Variants in LRRC9 observed in about 807,000 individuals in gnomAD.
LRRC9 encodes leucine rich repeat containing 9, also known as leucine-rich repeat-containing protein 9.
In LRRC9, 122 loss-of-function variants were observed where a neutral mutation model predicts 63.2. The observed-to-expected ratio is 1.93, with a 90% CI of 1.67 to 2.24. The LOEUF (loss-of-function observed/expected upper bound fraction) is 2.24, where lower values mean the gene tolerates loss of function less well. Ranked by LOEUF, LRRC9 falls within the 30% of genes most tolerant of loss-of-function variation. The pLI is 0.00. For missense variants in LRRC9, 1,071 were observed against 627.7 expected (o/e 1.71, Z -7.55); for synonymous variants, 366 against 213.1 (o/e 1.72, Z -6.25).
At chr14:60,062,612 T>C (rs1169121493) in intron 31 of LRRC9, among the ~76,000 whole-genome samples, 1 of 152,234 alleles carries the variant, frequency 6.6e-6, no homozygotes, top group Non-Finnish European at 1.5e-5. Flanking sequence ...TCTTCCGAAT[T>C]TTCTTTAAAA....
At chr14:59,985,122 A>C in exon 17 of LRRC9, 1 of 683,202 alleles carries the variant, frequency 1.5e-6, no homozygotes, top group East Asian at 2.7e-5. Context: ...ATCTACATGG[A>C]AACAGCTTGA....
intron 17 of LRRC9, among the ~76,000 whole-genome samples, chr14:59,987,284 A>AT (rs1887572869): frequency 6.6e-6 from 1 of 151,066 alleles, no homozygotes; most frequent in Non-Finnish European, 1.5e-5. Flanking sequence ...TGGTTTTGCC[A>AT]TTTTTAAAAA....
chr14:59,980,429 T>G (rs998283744), intron 15 of LRRC9, among the ~76,000 whole-genome samples: 1 of 152,206 alleles, frequency 6.6e-6, no homozygotes, highest in Admixed American at 6.5e-5. Context: ...GCAAATCCCC[T>G]TCCTCTGTCC....
chr14:60,038,476 C>G (rs147842529), intron 29 of LRRC9, among the ~76,000 whole-genome samples: 1,959 of 152,166 alleles, frequency 0.013, 37 homozygotes, highest in African/African-American at 0.045. Context: ...TGAAGAGGGC[C>G]TTCACATCCC....
Position 59,983,641 on chromosome 14 carries a change from A to G in LRRC9, c.2092-1464A>G, listed in dbSNP as rs1183662929. The stretch of plus-strand genomic sequence containing the variant: ...CCAGATGTCTTCAGGGAACACTGAA[A>G]AATTTAGTATGCCTAGAATATAGTG... On this transcript the variant is annotated intron_variant, in intron 16 of 31. Transcript: ENST00000445360. Among the ~76,000 whole-genome samples the G allele has an allele frequency of 2.6e-5, 4 of 152,194 alleles. No homozygotes were observed. In the South Asian group the frequency reaches 6.2e-4, roughly 24 times the overall value.
chr14:60,063,294 T>G (rs1302458893), intron 31 of LRRC9, 29 bp from the exon 33 acceptor site: 8 of 697,708 alleles, frequency 1.1e-5, no homozygotes, highest in Non-Finnish European at 1.8e-5. Flanking sequence ...GTCACCACTA[T>G]TTGACTAATT....
chr14:60,002,008 C>G, exon 20 of LRRC9: 1 of 701,114 alleles, frequency 1.4e-6, no homozygotes, highest in East Asian at 2.7e-5. Context: ...GGAGAGACCA[C>G]GGATACTTAG....
intron 19 of LRRC9, among the ~76,000 whole-genome samples, chr14:59,999,859 A>G (rs1889177508): frequency 1.3e-5 from 2 of 152,000 alleles, no homozygotes; most frequent in African/African-American, 4.8e-5. Flanking sequence ...TAATAATAAC[A>G]CTCCTAAAGA....
chr14:59,983,467 G>A (rs1374717210), intron 16 of LRRC9, among the ~76,000 whole-genome samples: 1 of 152,192 alleles, frequency 6.6e-6, no homozygotes, highest in Non-Finnish European at 1.5e-5. Context: ...ATATATATGT[G>A]AACACATGTA....
At chr14:59,988,934 C>A (rs568871255) in intron 17 of LRRC9, among the ~76,000 whole-genome samples, 1 of 152,224 alleles carries the variant, frequency 6.6e-6, no homozygotes, top group South Asian at 2.1e-4. Flanking sequence ...CTTTGGCTCA[C>A]AATTTATTTT....
chr14:59,975,086 A>ATATATATATACATATATATAT, intron 13 of LRRC9, among the ~76,000 whole-genome samples: 1 of 54,828 alleles, frequency 1.8e-5, no homozygotes, highest in African/African-American at 4.4e-5. Context: ...GTGTGTGTGT[A>ATATATATATACATATATATAT]GTGTATATAT....
intron 8 of LRRC9, among the ~76,000 whole-genome samples, chr14:59,946,504 CTT>C (rs562279605): frequency 1.5e-5 from 2 of 137,508 alleles, no homozygotes; most frequent in African/African-American, 2.7e-5. Flanking sequence ...TTTTTTTTGT[CTT>C]TTTTTTTTTT....
intron 8 of LRRC9, among the ~76,000 whole-genome samples, 161 bp from the exon 9 acceptor site, chr14:59,959,657 T>C (rs1173499208): frequency 6.6e-6 from 1 of 152,240 alleles, no homozygotes; most frequent in African/African-American, 2.4e-5. Flanking sequence ...GTTTGGCATG[T>C]TTTTATGACA....
chr14:60,009,912 C>T (rs1413383891), intron 23 of LRRC9, among the ~76,000 whole-genome samples: 3 of 152,220 alleles, frequency 2.0e-5, no homozygotes, highest in Non-Finnish European at 4.4e-5. Context: ...GACTCCATGT[C>T]TCACATCCAG....
chr14:60,012,643 A>G (rs1019379135), intron 23 of LRRC9, among the ~76,000 whole-genome samples: 18 of 152,286 alleles, frequency 1.2e-4, no homozygotes, highest in Non-Finnish European at 2.2e-4. Context: ...GTGACCTGCC[A>G]CCTATTTTAG....
At chr14:60,057,764 A>G (rs1894392073) in intron 30 of LRRC9, 114 bp from the exon 31 acceptor site, 2 of 445,538 alleles carry the variant, frequency 4.5e-6, no homozygotes, top group Admixed American at 3.4e-5. Flanking sequence ...GCAAGCAGGT[A>G]GCTCCTGACT....
chr14:60,030,607 C>G (rs1891915037), intron 28 of LRRC9, among the ~76,000 whole-genome samples: 1 of 152,038 alleles, frequency 6.6e-6, no homozygotes, highest in Admixed American at 6.6e-5. Context: ...ATTATTATAA[C>G]TGCTTTAGGT....
At chr14:59,921,048 A>G (rs1203371174) in intron 1 of LRRC9, among the ~76,000 whole-genome samples, 1 of 152,228 alleles carries the variant, frequency 6.6e-6, no homozygotes, top group East Asian at 1.9e-4. Flanking sequence ...AATGCTTATA[A>G]TACTACCAGA....
chr14:60,016,603 C>T (rs1890703669), intron 23 of LRRC9, 57 bp from the exon 24 acceptor site: 2 of 635,670 alleles, frequency 3.1e-6, no homozygotes, highest in East Asian at 5.5e-5. Context: ...AACCAGAGAA[C>T]TATGTAATTT....
Sources: gnomAD v4.1 joint callset for allele counts (sites outside exome capture counted in the v4.1 genomes callset) on GRCh38, gnomAD v4.1.1 for gene constraint, MANE v1.5 for transcripts, NCBI Gene and HGNC (gene_info 2026-07-23, HGNC 2026-07-21) for gene names.